LAMTOR2: variants seen among roughly 807,000 people sequenced by gnomAD.
LAMTOR2 encodes late endosomal/lysosomal adaptor, MAPK and MTOR activator 2.
LAMTOR2 carries 4 observed loss-of-function variants against 15.8 expected under a neutral mutation model. The ratio of observed to expected loss-of-function variants is 0.25; its 90% CI spans 0.12 to 0.58. The LOEUF is 0.58. Among genes scored for constraint, LAMTOR2 ranks in the 20% least tolerant of loss-of-function variants. LAMTOR2 has a pLI of 0.91. For synonymous variants in LAMTOR2, 62 were observed against 64.1 expected (o/e 0.97, Z 0.15); for missense variants, 100 against 161.0 (o/e 0.62, Z 2.05).
intron 2 of LAMTOR2, 102 bp from the exon 3 acceptor site, chr1:156,057,876 G>A: frequency 2.7e-6 from 3 of 1,104,650 alleles, no homozygotes; most frequent in Non-Finnish European, 4.1e-6. Context: ...CCAGGGCATG[G>A]GAGGAAGATA....
intron 2 of LAMTOR2, chr1:156,056,071 C>T (rs996457160): frequency 1.2e-4 from 19 of 154,902 alleles, no homozygotes; most frequent in Admixed American, 6.9e-4. Flanking sequence ...GATACAATCA[C>T]GGCTCACTGC....
In LAMTOR2 at chr1:156,055,035, G is replaced by A; in HGVS notation, c.68+78G>A. 5 of 1,499,764 alleles carry A rather than the reference G, an allele frequency of 3.3e-6. No homozygotes were observed. The highest frequency in any genetic ancestry group is 4.6e-6 in the Non-Finnish European group (5 of 1,086,962). The allele number at this position is 1,499,764 out of a possible 1,614,324, so 92.9% of individuals were successfully genotyped here. ...GGCTCCCTGAGGGAGGGGTGGGGAA[G>A]GATCACCAGGAAGGGAGGAAGCGGC... is the stretch of plus-strand genomic sequence containing the variant. On this transcript the variant is annotated intron_variant, in intron 1 of 3. Coordinates refer to ENST00000368305, the MANE Select transcript of LAMTOR2 (RefSeq NM_014017.4). The surrounding 1 kb of genome is among the most constrained non-coding windows in gnomAD (Gnocchi z 4.8).
At position 156,055,077 on chromosome 1, in the gene LAMTOR2, G is replaced by T; in HGVS notation, c.68+120G>T. 1 of 1,373,610 alleles carries T rather than the reference G, an allele frequency of 7.3e-7. No homozygotes were observed. Among genetic ancestry groups the T allele is most frequent in the Non-Finnish European group, 1.0e-6 (1 of 969,650 alleles). 85.1% of individuals were successfully genotyped at this position (1,373,610 alleles called of 1,614,324 possible). ...GGAAGCGGCAGAGGGGGCAGCGGCT[G>T]GGGATACCGGCCGGGAGGTCCCCTG... is the stretch of plus-strand genomic sequence containing the variant. On this transcript the variant is annotated intron_variant, in intron 1 of 3. Coordinates refer to ENST00000368305, the MANE Select transcript of LAMTOR2 (RefSeq NM_014017.4). The surrounding 1 kb of genome is among the most constrained non-coding windows in gnomAD (Gnocchi z 4.8).
At chr1:156,057,935 G>C in intron 2 of LAMTOR2, 43 bp from the exon 3 acceptor site, 2 of 1,575,196 alleles carry the variant, frequency 1.3e-6, no homozygotes, top group Non-Finnish European at 8.7e-7. Context: ...GGTGCTAAGG[G>C]TGCCAAGCAG....
chr1:156,058,150 T>C lies in LAMTOR2; in HGVS notation c.321+83T>C. On this transcript the variant is annotated intron_variant, in intron 3 of 3. Transcript: ENST00000368305. ...TGTTCACTCCCACCAGGACCCTGTT[T>C]CTAGAGTTCTCATGTCTACTCAGTC... is the stretch of plus-strand genomic sequence containing the variant. 3 of 1,511,346 alleles carry C rather than the reference T, an allele frequency of 2.0e-6. No homozygotes were observed. The South Asian group carries it at 3.4e-5, about 17-fold the overall frequency. The allele number at this position is 1,511,346 out of a possible 1,614,324, so 93.6% of individuals were successfully genotyped here.
chr1:156,055,089 C>T lies in LAMTOR2; in HGVS notation c.68+132C>T. The T allele has an allele frequency of 7.4e-7, 1 of 1,349,338 alleles. No individual in the cohort carries two copies. Among genetic ancestry groups the T allele is most frequent in the Non-Finnish European group, 1.1e-6 (1 of 946,960 alleles). 83.6% of individuals were successfully genotyped at this position (1,349,338 alleles called of 1,614,324 possible). A position where few individuals can be genotyped will look rare whatever the true frequency, so the allele number is the denominator to read the frequency against. Reference sequence around the variant, plus strand: ...GGGGGCAGCGGCTGGGGATACCGGCCGGGAGGTCCCCTGTCGAAAAGGGAA... The same window carrying T: ...GGGGGCAGCGGCTGGGGATACCGGCTGGGAGGTCCCCTGTCGAAAAGGGAA... On this transcript the variant is annotated intron_variant, in intron 1 of 3. Transcript: ENST00000368305. The surrounding 1 kb of genome is among the most constrained non-coding windows in gnomAD (Gnocchi z 4.8).
At chr1:156,056,482 C>G (rs149468715) in intron 2 of LAMTOR2, among the ~76,000 whole-genome samples, 2 of 152,198 alleles carry the variant, frequency 1.3e-5, no homozygotes, top group East Asian at 3.9e-4. Context: ...ATGTGGTTAT[C>G]TGAGGGAAGA....
Position 156,055,359 on chromosome 1 carries a change from C to T in LAMTOR2, c.165C>T (p.Ala55=), listed in dbSNP as rs761725322. 5.6e-6 allele frequency: 9 copies of T among 1,614,122 alleles called. No individual in the cohort carries two copies. In the Admixed American group the frequency reaches 8.3e-5, roughly 15 times the overall value. The change falls in exon 2 of 4, where the codon GCC becomes GCT. Residue 55 remains alanine, a synonymous_variant. Transcript: ENST00000368305. The surrounding 1 kb of genome is among the most constrained non-coding windows in gnomAD (Gnocchi z 4.8). ...CCATAGCCAGTAACATCTGGGCCGC[C>T]TACGACCGGAACGGGAACCAAGCGT... The part of the protein sequence containing the change: ...TAAIASNIWA[A]YDRNGNQAFN...
chr1:156,055,525 C>T lies in LAMTOR2; in HGVS notation c.231+100C>T, dbSNP rs1647321413. 1.5e-6 allele frequency: 2 copies of T among 1,359,310 alleles called. No individual in the cohort carries two copies. Among genetic ancestry groups the T allele is most frequent in the African/African-American group, 1.4e-5 (1 of 69,962 alleles). 84.2% of individuals were successfully genotyped at this position (1,359,310 alleles called of 1,614,324 possible). Reference sequence around the variant, plus strand: ...ATGGTTGGAGGGGCAGGGACAGGATCTCCGGAAGATTACTAAGAGTTGGTC... The same window carrying T: ...ATGGTTGGAGGGGCAGGGACAGGATTTCCGGAAGATTACTAAGAGTTGGTC... On this transcript the variant is annotated intron_variant, in intron 2 of 3. Transcript: ENST00000368305. This position sits in a 1 kb window ranked among gnomAD's most constrained non-coding sequence, Gnocchi z 4.8.
intron 2 of LAMTOR2, among the ~76,000 whole-genome samples, chr1:156,056,740 A>G (rs1343477507): frequency 3.3e-5 from 5 of 152,132 alleles, no homozygotes; most frequent in African/African-American, 7.2e-5. Flanking sequence ...AAGGATCTTC[A>G]TTGTAACTCA....
chr1:156,055,297 T>A lies in LAMTOR2; in HGVS notation c.103T>A (p.Ser35Thr). The part of the protein sequence containing the change: ...LNNEGSLLAY[S>T]GYGDTDARVT... ...TAACGAGGGATCACTGCTGGCCTAC[T>A]CTGGTTACGGGGACACTGACGCCCG... The change falls in exon 2 of 4, where the codon TCT (serine) becomes ACT (threonine). Residue 35 changes from serine to threonine, a missense_variant. Physicochemically the swap from Ser to Thr is moderately conservative, Grantham distance 58 (BLOSUM62 1). Coordinates refer to ENST00000368305, the MANE Select transcript of LAMTOR2 (RefSeq NM_014017.4). This position sits in a 1 kb window ranked among gnomAD's most constrained non-coding sequence, Gnocchi z 4.8. The A allele has an allele frequency of 6.2e-7, 1 of 1,614,162 alleles. No homozygotes were observed. Among genetic ancestry groups the A allele is most frequent in the Non-Finnish European group, 8.5e-7 (1 of 1,180,030 alleles).
In LAMTOR2 at chr1:156,058,416, G is replaced by C; in HGVS notation, c.*45G>C. ...GGTCAGAAAAGAGAAATGACCATTTGGAGGGGCGGGGCCTCCTAGAAGAAC... is the reference window on the plus strand; with the variant it reads ...GGTCAGAAAAGAGAAATGACCATTTCGAGGGGCGGGGCCTCCTAGAAGAAC... On this transcript the variant is annotated 3_prime_UTR_variant, in exon 4 of 4. Transcript: ENST00000368305. 1 of 1,604,600 alleles carries C rather than the reference G, an allele frequency of 6.2e-7. No homozygotes were observed. The highest frequency in any genetic ancestry group is 8.5e-7 in the Non-Finnish European group (1 of 1,171,490).
In LAMTOR2 at chr1:156,055,353, G is replaced by A; in HGVS notation, c.159G>A (p.Trp53Ter). 6.2e-7 allele frequency: 1 copy of A among 1,614,208 alleles called. No homozygotes were observed. The highest frequency in any genetic ancestry group is 8.5e-7 in the Non-Finnish European group (1 of 1,180,040). Residue 53 changes from tryptophan (W) to a stop codon, truncating the protein, a stop_gained, in exon 2 of 4, where the codon TGG becomes TGA. Transcript: ENST00000368305. LOFTEE classifies it high-confidence loss of function. This position sits in a 1 kb window ranked among gnomAD's most constrained non-coding sequence, Gnocchi z 4.8. ...CCGCTGCCATAGCCAGTAACATCTG[G>A]GCCGCCTACGACCGGAACGGGAACC... The part of the protein sequence containing the change: ...RVTAAIASNI[W>*]AAYDRNGNQA...
chr1:156,057,965 T>C lies in LAMTOR2; in HGVS notation c.232-13T>C, dbSNP rs1272976905. ...AAGCAGAACATCACATCCCATCATA[T>C]CACCCCCACCAGGAGGGCCGTGTAG... On this transcript the variant is annotated splice_polypyrimidine_tract_variant and intron_variant, in intron 2 of 3. Coordinates refer to ENST00000368305, the MANE Select transcript of LAMTOR2 (RefSeq NM_014017.4). The C allele has an allele frequency of 5.0e-6, 8 of 1,613,116 alleles. No individual in the cohort carries two copies. Among genetic ancestry groups the C allele is most frequent in the Non-Finnish European group, 5.9e-6 (7 of 1,179,332 alleles).
Position 156,054,824 on chromosome 1 carries a change from G to T in LAMTOR2, c.-66G>T, listed in dbSNP as rs1647269016. The T allele has an allele frequency of 1.3e-6, 2 of 1,531,656 alleles. No individual in the cohort carries two copies. The highest frequency in any genetic ancestry group is 1.4e-5 in the African/African-American group (1 of 73,134). 94.9% of individuals were successfully genotyped at this position (1,531,656 alleles called of 1,614,324 possible). ...GCCAACGGGACTACGGGAAGCAGCG[G>T]GCAGCGGCCCGCGGGAGGCACCTCG... On this transcript the variant is annotated 5_prime_UTR_variant, in exon 1 of 4. Coordinates refer to ENST00000368305, the MANE Select transcript of LAMTOR2 (RefSeq NM_014017.4).
Position 156,054,961 on chromosome 1 carries a change from A to G in LAMTOR2, c.68+4A>G. 6.2e-7 allele frequency: 1 copy of G among 1,611,576 alleles called. No individual in the cohort carries two copies. Among genetic ancestry groups the G allele is most frequent in the Non-Finnish European group, 8.5e-7 (1 of 1,179,416 alleles). ...CTGGAGGCGTCCAGAGCACCCTGTG[A>G]GTGCAGACCACGGACCCGAGCGGCG... On this transcript the variant is annotated splice_donor_region_variant and intron_variant, in intron 1 of 3. Transcript: ENST00000368305.
chr1:156,055,007 C>G lies in LAMTOR2; in HGVS notation c.68+50C>G. The G allele has an allele frequency of 6.3e-7, 1 of 1,577,630 alleles. No homozygotes were observed. The highest frequency in any genetic ancestry group is 8.7e-7 in the Non-Finnish European group (1 of 1,154,380). On this transcript the variant is annotated intron_variant, in intron 1 of 3. Coordinates refer to ENST00000368305, the MANE Select transcript of LAMTOR2 (RefSeq NM_014017.4). The surrounding 1 kb of genome is among the most constrained non-coding windows in gnomAD (Gnocchi z 4.8). Reference sequence around the variant, plus strand: ...CGGCGAGCGCTGCAGTGGGGCGGCGCGCGGCTCCCTGAGGGAGGGGTGGGG... The same window carrying G: ...CGGCGAGCGCTGCAGTGGGGCGGCGGGCGGCTCCCTGAGGGAGGGGTGGGG...
rs1270048448 is a variant in LAMTOR2, at chr1:156,058,440, A to C, written c.*69A>C. ...TGGAGGGGCGGGGCCTCCTAGAAGA[A>C]CCTTCTTAGACAATGGGGGGAGGAT... On this transcript the variant is annotated 3_prime_UTR_variant, in exon 4 of 4. Transcript: ENST00000368305. 6.5e-7 allele frequency: 1 copy of C among 1,527,334 alleles called. No homozygotes were observed. Among genetic ancestry groups the C allele is most frequent in the Admixed American group, 1.7e-5 (1 of 59,760 alleles). The allele number at this position is 1,527,334 out of a possible 1,614,324, so 94.6% of individuals were successfully genotyped here.
Position 156,058,453 on chromosome 1 carries a change from A to C in LAMTOR2, c.*82A>C. ...CCTCCTAGAAGAACCTTCTTAGACAATGGGGGGAGGATGGGACTTTGTTTT... is the reference window on the plus strand; with the variant it reads ...CCTCCTAGAAGAACCTTCTTAGACACTGGGGGGAGGATGGGACTTTGTTTT... On this transcript the variant is annotated 3_prime_UTR_variant, in exon 4 of 4. Coordinates refer to ENST00000368305, the MANE Select transcript of LAMTOR2 (RefSeq NM_014017.4). 1.6e-5 allele frequency: 23 copies of C among 1,409,514 alleles called. No homozygotes were observed. The highest frequency in any genetic ancestry group is 2.8e-5 in the African/African-American group (2 of 70,724). 87.3% of individuals were successfully genotyped at this position (1,409,514 alleles called of 1,614,324 possible).
Sources: allele counts gnomAD v4.1 joint callset (sites outside exome capture counted in the v4.1 genomes callset), GRCh38; gene constraint gnomAD v4.1.1; non-coding constraint Gnocchi (gnomAD v3.1); transcripts MANE v1.5; gene names NCBI Gene and HGNC (gene_info 2026-07-23, HGNC 2026-07-21).